The following CBFA2T3 variants were observed in gnomAD, a reference collection of about 807,000 sequenced individuals.
The protein encoded by CBFA2T3 is transcriptional corepressor CBFA2T3.
Under a neutral mutation model 58.6 loss-of-function variants are expected in CBFA2T3, and 31 were observed. The ratio of observed to expected loss-of-function variants is 0.53; its 90% confidence interval spans 0.40 to 0.71. The LOEUF is 0.71. Ranked by LOEUF, CBFA2T3 falls within the 30% of genes least tolerant of loss-of-function variation. The pLI, the probability that CBFA2T3 is intolerant of heterozygous loss-of-function variation, is 0.00. For synonymous variants in CBFA2T3, 531 were observed against 421.9 expected (o/e 1.26, Z -3.17); for missense variants, 1,076 against 963.1 (o/e 1.12, Z -1.55).
At chr16:88,899,488 C>T (rs1970017190) in intron 2 of CBFA2T3, among the ~76,000 whole-genome samples, 1 of 152,194 alleles carries the variant, frequency 6.6e-6, no homozygotes, top group African/African-American at 2.4e-5. Context: ...GACCTCACCC[C>T]AAAAACATGA....
intron 1 of CBFA2T3, among the ~76,000 whole-genome samples, chr16:88,921,997 C>G (rs1970937141): frequency 6.6e-6 from 1 of 152,242 alleles, no homozygotes; most frequent in Non-Finnish European, 1.5e-5. Flanking sequence ...AACTGCCTGT[C>G]CAGGGTTAAA....
chr16:88,929,317 T>C (rs1387859279), intron 1 of CBFA2T3, among the ~76,000 whole-genome samples: 2 of 152,168 alleles, frequency 1.3e-5, no homozygotes, highest in Non-Finnish European at 2.9e-5. Flanking sequence ...CACCATCGCC[T>C]GTGAGAGGCG....
At position 88,967,068 on chromosome 16, in the gene CBFA2T3, A is replaced by G. The variant is rs1972524079; in HGVS notation, c.151+9589T>C. ...AAATTGACGCACTCAACCTCTCTCC[A>G]TAGGGAAGCTGAGAACAGTGCGCTG... On this transcript the variant is annotated intron_variant, in intron 1 of 11. Coordinates refer to ENST00000268679, the MANE Select transcript of CBFA2T3 (RefSeq NM_005187.6). 3.9e-5 allele frequency among the ~76,000 whole-genome samples: 6 copies of G among 152,198 alleles called. 1 individual carries two copies. The Middle Eastern group carries it at 0.017, about 431-fold the overall frequency.
intron 1 of CBFA2T3, among the ~76,000 whole-genome samples, chr16:88,925,871 G>A (rs1479507522): frequency 6.6e-6 from 1 of 152,232 alleles, no homozygotes; most frequent in Non-Finnish European, 1.5e-5. Context: ...CGGAGTCGGT[G>A]CCATCCTCTC....
intron 2 of CBFA2T3, among the ~76,000 whole-genome samples, chr16:88,898,668 T>G (rs1335455165): frequency 2.0e-5 from 3 of 152,344 alleles, no homozygotes; most frequent in African/African-American, 7.2e-5. Flanking sequence ...GACCTGAGAC[T>G]CGGCTTGGAG....
chr16:88,891,646 C>T (rs1225038262), intron 5 of CBFA2T3, among the ~76,000 whole-genome samples: 1 of 152,202 alleles, frequency 6.6e-6, no homozygotes, highest in Non-Finnish European at 1.5e-5. Flanking sequence ...GGTCTGGCAA[C>T]TAATTTTCAG....
intron 1 of CBFA2T3, among the ~76,000 whole-genome samples, chr16:88,944,040 TAAAAG>T (rs1971834099): frequency 6.6e-6 from 1 of 151,804 alleles, no homozygotes; most frequent in Non-Finnish European, 1.5e-5. Context: ...TCAATTCACT[TAAAAG>T]AAACCACCAC....
intron 9 of CBFA2T3, 76 bp from the exon 10 acceptor site, chr16:88,880,864 C>A: frequency 7.4e-7 from 1 of 1,360,394 alleles, no homozygotes; most frequent in South Asian, 1.3e-5. Flanking sequence ...CCCACCCTGG[C>A]TGGGCCCTGA....
At chr16:88,895,051 T>G (rs923732635) in intron 3 of CBFA2T3, among the ~76,000 whole-genome samples, 3 of 152,154 alleles carry the variant, frequency 2.0e-5, no homozygotes, top group Non-Finnish European at 2.9e-5. Flanking sequence ...GGCCTCTGTC[T>G]GGACGGGAGG....
chr16:88,971,034 G>A (rs1032382342), intron 1 of CBFA2T3, among the ~76,000 whole-genome samples: 4 of 152,190 alleles, frequency 2.6e-5, no homozygotes, highest in Admixed American at 6.5e-5. Context: ...GGAGGCCGAC[G>A]CGGTGGGGTC....
At chr16:88,931,691 C>T (rs1971310439) in intron 1 of CBFA2T3, among the ~76,000 whole-genome samples, 1 of 152,160 alleles carries the variant, frequency 6.6e-6, no homozygotes, top group Non-Finnish European at 1.5e-5. Context: ...GTGCTGGGGG[C>T]ACTGGCCTGC....
intron 1 of CBFA2T3, among the ~76,000 whole-genome samples, chr16:88,976,211 G>A (rs548435298): frequency 1.3e-5 from 2 of 152,330 alleles, no homozygotes; most frequent in Admixed American, 6.5e-5. Context: ...CCTCACCGGG[G>A]TCTTGGGCCA....
rs146886666 is a variant in CBFA2T3, at chr16:88,876,804, T to G, written c.*172A>C. 1,729 of 531,252 alleles carry G rather than the reference T, an allele frequency of 3.3e-3. 5 individuals are homozygous for G. Among genetic ancestry groups the G allele is most frequent in the Admixed American group, 6.4e-3 (160 of 24,836 alleles). 32.9% of individuals were successfully genotyped at this position (531,252 alleles called of 1,614,324 possible). A position where few individuals can be genotyped will look rare whatever the true frequency, so the allele number is the denominator to read the frequency against. ...AATGCGGTTTTGTTGGTTCTGTGTC[T>G]TCTTTCGGAGAGGGGCAGTAGCAGC... is the stretch of plus-strand genomic sequence containing the variant. On this transcript the variant is annotated 3_prime_UTR_variant, in exon 12 of 12. Transcript: ENST00000268679.
intron 1 of CBFA2T3, among the ~76,000 whole-genome samples, chr16:88,905,131 G>C (rs573305367): frequency 1.3e-5 from 2 of 152,110 alleles, no homozygotes; most frequent in South Asian, 4.1e-4. Flanking sequence ...TGGGAAGGAG[G>C]GGGGTGGGGG....
chr16:88,882,810 T>C (rs1183398508), intron 7 of CBFA2T3, 49 bp from the exon 8 acceptor site: 1 of 1,267,348 alleles, frequency 7.9e-7, no homozygotes, highest in East Asian at 2.5e-5. Context: ...AGCCAGTCTC[T>C]GCCCTATTCT....
intron 1 of CBFA2T3, among the ~76,000 whole-genome samples, chr16:88,922,805 G>A (rs567831487): frequency 2.4e-4 from 36 of 152,334 alleles, no homozygotes; most frequent in African/African-American, 7.0e-4. Context: ...TTGCCCCTGC[G>A]TGGTTTCACA....
At position 88,885,173 on chromosome 16, in the gene CBFA2T3, G is replaced by A; in HGVS notation, c.990C>T (p.Ser330=). The change falls in exon 7 of 12, where the codon AGC becomes AGT. Residue 330 remains serine (S), a synonymous_variant. Coordinates refer to ENST00000268679, the MANE Select transcript of CBFA2T3 (RefSeq NM_005187.6). The surrounding 1 kb of genome is among the most constrained non-coding windows in gnomAD (Gnocchi z 5.3). ...GCGGTGTGGGCTGCGGTGGCCCGTT[G>A]CTGGGGCTGTAGCGCTGGGCAGGGT... ...TLNPAQRYSP[S]NGPPQPTPPP... The A allele has an allele frequency of 3.1e-6, 5 of 1,603,388 alleles. No individual in the cohort carries two copies. The highest frequency in any genetic ancestry group is 2.2e-5 in the South Asian group (2 of 90,648).
chr16:88,879,489 T>C (rs750854877), intron 10 of CBFA2T3, 29 bp from the exon 11 acceptor site: 4 of 1,592,678 alleles, frequency 2.5e-6, no homozygotes, highest in South Asian at 1.1e-5. Flanking sequence ...GGGCTGGCGG[T>C]CACATGGGCC....
intron 1 of CBFA2T3, 111 bp from the exon 2 acceptor site, chr16:88,901,767 G>T: frequency 3.1e-6 from 3 of 963,730 alleles, no homozygotes; most frequent in South Asian, 1.8e-5. Context: ...GCCCAGCGCT[G>T]GGGCAGTCTG....
Sources: gnomAD v4.1 joint callset for allele counts (sites outside exome capture counted in the v4.1 genomes callset) on GRCh38, gnomAD v4.1.1 for gene constraint, Gnocchi (gnomAD v3.1) non-coding constraint, MANE v1.5 for transcripts, NCBI Gene and HGNC (gene_info 2026-07-23, HGNC 2026-07-21) for gene names.